Variants in HEATR9 observed in about 807,000 individuals in gnomAD.
HEATR9 encodes protein HEATR9.
A neutral mutation model predicts 68.2 loss-of-function variants in HEATR9; 54 were observed. That is an observed-to-expected ratio of 0.79 (90% confidence interval 0.64 to 0.99). The LOEUF (loss-of-function observed/expected upper bound fraction) is 0.99. Ranked by LOEUF, HEATR9 falls within the 50% of genes least tolerant of loss-of-function variation. The probability of loss-of-function intolerance (pLI) is 0.00; values close to 1 mark genes in which losing one functional copy is unlikely to be tolerated. For synonymous variants in HEATR9, 241 were observed against 253.5 expected (o/e 0.95, Z 0.47); for missense variants, 662 against 679.7 (o/e 0.97, Z 0.29).
At chr17:35,859,831 T>C (rs2087913544) in intron 8 of HEATR9, among the ~76,000 whole-genome samples, 1 of 152,244 alleles carries the variant, frequency 6.6e-6, no homozygotes, top group Admixed American at 6.5e-5. Context: ...TTCTCACTCT[T>C]CCAATTCACA....
At chr17:35,859,502 T>G (rs536188311) in intron 8 of HEATR9, among the ~76,000 whole-genome samples, 22 of 152,308 alleles carry the variant, frequency 1.4e-4, no homozygotes, top group African/African-American at 4.3e-4. Context: ...CCAAGAATTG[T>G]TTGACTCCAC....
intron 9 of HEATR9, 42 bp downstream of exon 9, chr17:35,858,846 G>T: frequency 6.3e-7 from 1 of 1,599,108 alleles, no homozygotes. Context: ...TTCAGCAGTG[G>T]CTTCTGTTTC....
intron 2 of HEATR9, 108 bp downstream of exon 2, chr17:35,866,616 A>C (rs1235925490): frequency 7.7e-6 from 8 of 1,035,426 alleles, no homozygotes; most frequent in African/African-American, 1.6e-5. Flanking sequence ...TGGCAGCCCC[A>C]GGGGTAAATG....
At position 35,855,318 on chromosome 17, in the gene HEATR9, C is replaced by CT. The variant is rs745798220; in HGVS notation, c.1457dup (p.Thr487AspfsTer15). On this transcript the variant is annotated frameshift_variant, in exon 15 of 15. Transcript: ENST00000604834. LOFTEE classifies it low-confidence loss of function (END_TRUNC). ...TTGTGGGCTCTGCCTTCACATTGGTCTTAGGTGCCTCATATACAGAGAGAA... is the reference window on the plus strand; with the variant it reads ...TTGTGGGCTCTGCCTTCACATTGGTCTTTAGGTGCCTCATATACAGAGAGAA... The CT allele has an allele frequency of 1.9e-6, 3 of 1,614,142 alleles. No homozygotes were observed. In the Admixed American group the frequency reaches 5.0e-5, roughly 27 times the overall value.
rs375233328 is a variant in HEATR9, at chr17:35,858,327, C to T, written c.1033-8G>A. 16 of 1,614,066 alleles carry T rather than the reference C, an allele frequency of 9.9e-6. No individual in the cohort carries two copies. Among genetic ancestry groups the T allele is most frequent in the Middle Eastern group, 1.6e-4 (1 of 6,062 alleles). ...GGTGGCTTCAAAGCGGTCCTGAGGT[C>T]GGGGGTGAGGGTTAGTGGGGAGGTG... On this transcript the variant is annotated splice_region_variant and splice_polypyrimidine_tract_variant and intron_variant, in intron 10 of 14. Transcript: ENST00000604834.
Position 35,859,068 on chromosome 17 carries a change from C to G in HEATR9, c.759G>C (p.Arg253Ser). 2.5e-6 allele frequency: 4 copies of G among 1,613,942 alleles called. No homozygotes were observed. The highest frequency in any genetic ancestry group is 8.5e-7 in the Non-Finnish European group (1 of 1,179,856). The change falls in exon 9 of 15, where the codon AGG (arginine) becomes AGC (serine). Residue 253 changes from arginine (R) to serine (S), a missense_variant and splice_region_variant. By Grantham distance (110) the Arg-to-Ser change is moderately radical (BLOSUM62 -1). Transcript: ENST00000604834. Reference protein sequence around the residue: ...NSWAAVSKDKRTQVGDEGKLV... With the variant: ...NSWAAVSKDKSTQVGDEGKLV... ...GCTTGCCCTCATCCCCGACTTGAGT[C>G]CTCTGTGAGGGAGACAAAATGGCTA... is the stretch of plus-strand genomic sequence containing the variant.
intron 2 of HEATR9, 112 bp downstream of exon 2, chr17:35,866,612 C>A: frequency 1.0e-6 from 1 of 1,000,528 alleles, no homozygotes; most frequent in Non-Finnish European, 1.6e-6. Flanking sequence ...TTAATGGCAG[C>A]CCCAGGGGTA....
At chr17:35,867,940 C>T (rs1207086118) in intron 1 of HEATR9, among the ~76,000 whole-genome samples, 1 of 152,090 alleles carries the variant, frequency 6.6e-6, no homozygotes, top group Non-Finnish European at 1.5e-5. Context: ...GCCACCACAC[C>T]CAGCTAATTT....
At chr17:35,865,126 T>G in intron 3 of HEATR9, 89 bp downstream of exon 3, 4 of 1,473,932 alleles carry the variant, frequency 2.7e-6, no homozygotes, top group Non-Finnish European at 3.7e-6. Context: ...CTGACTTGCC[T>G]TACTCCCTGG....
At position 35,862,998 on chromosome 17, in the gene HEATR9, G is replaced by A; in HGVS notation, c.753C>T (p.Asp251=). The A allele has an allele frequency of 6.2e-7, 1 of 1,614,132 alleles. No homozygotes were observed. Among genetic ancestry groups the A allele is most frequent in the East Asian group, 2.2e-5 (1 of 44,884 alleles). ...ALNSWAAVSK[D]KRTQVGDEGK... Reference sequence around the variant, plus strand: ...TAAAGACTGTCCTCCCAATCACCTTGTCTTTAGAGACAGCAGCCCAGGAGT... The same window carrying A: ...TAAAGACTGTCCTCCCAATCACCTTATCTTTAGAGACAGCAGCCCAGGAGT... The change falls in exon 8 of 15, where the codon GAC becomes GAT. Residue 251 remains aspartate (D), a synonymous_variant. Transcript: ENST00000604834.
rs2088135488 is a variant in HEATR9 at position 35,864,825 on chromosome 17, A to G, written c.386T>C (p.Ile129Thr). The change falls in exon 4 of 15, where the codon ATA becomes ACA. Residue 129 changes from isoleucine (I) to threonine (T), a missense_variant. By Grantham distance (89) the Ile-to-Thr change is moderately conservative. Coordinates refer to ENST00000604834, the MANE Select transcript of HEATR9 (RefSeq NM_152781.4). ...GGGCCTGGATCGCATCTCAGATTTT[A>G]TAGTCAGCTTGCTCATTGGGAGATG... ...MFHLPMSKLT[I>T]KSEMRSRPLE... 6.2e-7 allele frequency: 1 copy of G among 1,614,032 alleles called. No homozygotes were observed. The highest frequency in any genetic ancestry group is 1.1e-5 in the South Asian group (1 of 91,086).
rs2087874937 is a variant in HEATR9, at chr17:35,858,903, C to T, written c.924G>A (p.Lys308=). 6.2e-7 allele frequency: 1 copy of T among 1,613,884 alleles called. No individual in the cohort carries two copies. The highest frequency in any genetic ancestry group is 8.5e-7 in the Non-Finnish European group (1 of 1,180,010). The change falls in exon 9 of 15, where the codon AAG becomes AAA. Residue 308 remains lysine (K), a synonymous_variant. Coordinates refer to ENST00000604834, the MANE Select transcript of HEATR9 (RefSeq NM_152781.4). ...CCCCTCACACCTTCATCCGCTGGGTCTTGAGTCCTTGGCACAGGCACTGCA... is the reference window on the plus strand; with the variant it reads ...CCCCTCACACCTTCATCCGCTGGGTTTTGAGTCCTTGGCACAGGCACTGCA... ...FLLQCLCQGL[K]TQRMKALRML...
rs1398381710 is a variant in HEATR9, at chr17:35,855,176, G to T, written c.1600C>A (p.Pro534Thr). The T allele has an allele frequency of 1.9e-6, 3 of 1,613,990 alleles. No homozygotes were observed. The highest frequency in any genetic ancestry group is 2.5e-6 in the Non-Finnish European group (3 of 1,180,026). The stretch of plus-strand genomic sequence containing the variant: ...TTCGAGCAGCACGGTGGGAAAGCAG[G>T]CGTTTTCTTTTGGCCTACTTTGGTG... ...SITKVGQKKT[P>T]AFPPCCSKPR... Residue 534 changes from proline (P) to threonine (T), a missense_variant, in exon 15 of 15, where the codon CCT (proline) becomes ACT (threonine). Pro to Thr is a conservative substitution (Grantham distance 38). Coordinates refer to ENST00000604834, the MANE Select transcript of HEATR9 (RefSeq NM_152781.4).
At chr17:35,868,536 C>T in intron 1 of HEATR9, 119 bp downstream of exon 1, 2 of 1,512,934 alleles carry the variant, frequency 1.3e-6, no homozygotes, top group Non-Finnish European at 1.8e-6. Flanking sequence ...AGGGCCTGCC[C>T]TGATGTTTCC....
chr17:35,857,051 G>A (rs971260361), intron 11 of HEATR9, among the ~76,000 whole-genome samples: 2 of 152,056 alleles, frequency 1.3e-5, no homozygotes, highest in African/African-American at 4.8e-5. Context: ...GGTGATGCCC[G>A]AGCTGAATGA....
rs1005118388 is a variant in HEATR9, at chr17:35,859,082, A to T, written c.757-12T>A. 1 of 1,612,484 alleles carries T rather than the reference A, an allele frequency of 6.2e-7. No individual in the cohort carries two copies. Among genetic ancestry groups the T allele is most frequent in the Non-Finnish European group, 8.5e-7 (1 of 1,178,710 alleles). ...CCGACTTGAGTCCTCTGTGAGGGAG[A>T]CAAAATGGCTAAGGGGAGGGGCTAT... On this transcript the variant is annotated splice_polypyrimidine_tract_variant and intron_variant, in intron 8 of 14. Coordinates refer to ENST00000604834, the MANE Select transcript of HEATR9 (RefSeq NM_152781.4).
intron 5 of HEATR9, 86 bp from the exon 6 acceptor site, chr17:35,864,388 T>G: frequency 6.5e-7 from 1 of 1,530,996 alleles, no homozygotes; most frequent in Non-Finnish European, 9.0e-7. Flanking sequence ...CTGGAGTTTG[T>G]GCTTGGAATA....
At chr17:35,858,100 ATGAATGTGATAC>A (rs1181530293) in intron 11 of HEATR9, 88 bp downstream of exon 11, 3 of 1,524,066 alleles carry the variant, frequency 2.0e-6, no homozygotes, top group Non-Finnish European at 2.7e-6. Context: ...GTAGGTCAGG[ATGAATGTGATAC>A]TTCGGTGGAG....
intron 8 of HEATR9, among the ~76,000 whole-genome samples, chr17:35,862,045 T>A (rs1004742693): frequency 1.3e-5 from 2 of 151,896 alleles, no homozygotes; most frequent in African/African-American, 2.4e-5. Flanking sequence ...TTATTTATTT[T>A]TATTTTTTAT....
Sources: gnomAD v4.1 joint callset for allele counts (sites outside exome capture counted in the v4.1 genomes callset) on GRCh38, gnomAD v4.1.1 for gene constraint, MANE v1.5 for transcripts, NCBI Gene and HGNC (gene_info 2026-07-23, HGNC 2026-07-21) for gene names.